KATNAL2: variants seen among roughly 807,000 people sequenced by gnomAD.
The protein encoded by KATNAL2 is katanin p60 ATPase-containing subunit A-like 2.
In KATNAL2, 52 loss-of-function variants were observed where a neutral mutation model predicts 76.3. The observed-to-expected ratio is 0.68, with a 90% CI of 0.55 to 0.86. KATNAL2 has a LOEUF of 0.86. Among genes scored for constraint, KATNAL2 ranks in the 40% least tolerant of loss-of-function variants. The probability of loss-of-function intolerance (pLI) is 0.00; values close to 1 mark genes in which losing one functional copy is unlikely to be tolerated. For missense variants in KATNAL2, 660 were observed against 668.9 expected, an observed-to-expected ratio of 0.99 and a Z score of 0.15; for synonymous variants, 243 against 244.2, an observed-to-expected ratio of 1.00 and a Z score of 0.05.
At chr18:47,033,179 C>T (rs750279246) in intron 3 of KATNAL2, 3 of 1,613,966 alleles carry the variant, frequency 1.9e-6, no homozygotes, top group Admixed American at 1.7e-5. Context: ...CTGCTGCTGT[C>T]TCTGCCACCG....
intron 13 of KATNAL2, among the ~76,000 whole-genome samples, chr18:47,074,714 G>A (rs1008327701): frequency 3.3e-5 from 5 of 152,014 alleles, no homozygotes; most frequent in East Asian, 1.9e-4. Flanking sequence ...ATTGCCTTCC[G>A]TACCTAAGCC....
intron 3 of KATNAL2, among the ~76,000 whole-genome samples, chr18:46,957,544 G>A (rs1430581455): frequency 3.5e-5 from 5 of 141,014 alleles, no homozygotes; most frequent in Non-Finnish European, 7.6e-5. Context: ...GTGAACCACC[G>A]CGCCTGGCCT....
intron 3 of KATNAL2, among the ~76,000 whole-genome samples, chr18:47,031,333 G>A (rs551824300): frequency 2.0e-5 from 3 of 151,430 alleles, no homozygotes; most frequent in Admixed American, 6.6e-5. Flanking sequence ...TTTGAAATAT[G>A]TATGTTTTCG....
chr18:46,945,245 A>C lies in KATNAL2; in HGVS notation c.-509-812A>C, dbSNP rs116898404. 2.0e-3 allele frequency among the ~76,000 whole-genome samples: 311 copies of C among 152,382 alleles called. 1 individual carries two copies. Among genetic ancestry groups the C allele is most frequent in the Non-Finnish European group, 3.4e-3 (232 of 68,036 alleles). On this transcript the variant is annotated intron_variant, in intron 1 of 17. Transcript: ENST00000683218. ...AACTTTTTGAAAACCATATGTCAAC[A>C]AAACAATGTGATAAGTGCAGTATGA...
chr18:46,954,551 G>C (rs914230581), intron 3 of KATNAL2, among the ~76,000 whole-genome samples: 7 of 151,882 alleles, frequency 4.6e-5, no homozygotes, highest in Admixed American at 3.3e-4. Context: ...GGATGGTCTT[G>C]ATTTCTTGAC....
chr18:46,923,927 T>C (rs1437763797), intron 1 of KATNAL2, among the ~76,000 whole-genome samples: 1 of 152,168 alleles, frequency 6.6e-6, no homozygotes, highest in African/African-American at 2.4e-5. Flanking sequence ...GGGTTGTTTG[T>C]TTTTTTCTTG....
rs142851848 is a variant in KATNAL2, at chr18:46,925,527, A to G, written c.-510+7601A>G. Among the ~76,000 whole-genome samples, 703 of 152,270 alleles carry G rather than the reference A, an allele frequency of 4.6e-3. 5 individuals are homozygous for G. The highest frequency in any genetic ancestry group is 7.1e-3 in the Admixed American group (109 of 15,298). ...TTTTGCATCAGTGTTCATCAAGGAT[A>G]TTGGTCTAAAATTCTCTTTTTTTGG... On this transcript the variant is annotated intron_variant, in intron 1 of 17. Transcript: ENST00000683218.
chr18:47,038,689 A>C (rs2146997608), intron 3 of KATNAL2, among the ~76,000 whole-genome samples: 1 of 152,338 alleles, frequency 6.6e-6, no homozygotes, highest in African/African-American at 2.4e-5. Flanking sequence ...GGATGTAAAA[A>C]TGTAAAAAAT....
intron 15 of KATNAL2, among the ~76,000 whole-genome samples, chr18:47,081,338 T>C (rs2062511144): frequency 6.6e-6 from 1 of 152,212 alleles, no homozygotes; most frequent in Admixed American, 6.5e-5. Context: ...TTAGCCACAT[T>C]TTTAAAAAGT....
At position 47,035,004 on chromosome 18, in the gene KATNAL2, T is replaced by C. The variant is rs369869067; in HGVS notation, c.52-11453T>C. The stretch of plus-strand genomic sequence containing the variant: ...GGGAAGCGCTCTCCTCAGGGTCCTG[T>C]GGGCCAGGCCGGGTGTTTCGGTCCA... On this transcript the variant is annotated intron_variant, in intron 3 of 17. Coordinates refer to ENST00000683218, the MANE Select transcript of KATNAL2 (RefSeq NM_001387690.1). 279 of 1,611,258 alleles carry C rather than the reference T, an allele frequency of 1.7e-4. 2 individuals are homozygous for C. In the African/African-American group the frequency reaches 2.7e-3, roughly 15 times the overall value.
chr18:46,923,300 T>C (rs2058630608), intron 1 of KATNAL2, among the ~76,000 whole-genome samples: 1 of 143,646 alleles, frequency 7.0e-6, no homozygotes, highest in Non-Finnish European at 1.5e-5. Context: ...AATTCCCACC[T>C]GTGAGTGAGA....
chr18:47,034,766 G>T (rs987227054), intron 3 of KATNAL2: 3 of 1,612,700 alleles, frequency 1.9e-6, no homozygotes, highest in Non-Finnish European at 2.5e-6. Flanking sequence ...GCCCGATAGC[G>T]GCCGGAATCA....
At position 47,075,763 on chromosome 18, in the gene KATNAL2, G is replaced by A. The variant is rs116372256; in HGVS notation, c.1100+395G>A. ...CTTGCCCACTCAGCCACTGTGCAGG[G>A]CCACGTCTGTACTTCACTCCTGAGA... On this transcript the variant is annotated intron_variant, in intron 14 of 17. Transcript: ENST00000683218. 6.8e-3 allele frequency among the ~76,000 whole-genome samples: 1,040 copies of A among 152,320 alleles called. 7 individuals are homozygous for A. The highest frequency in any genetic ancestry group is 0.023 in the African/African-American group (954 of 41,566).
intron 3 of KATNAL2, chr18:47,034,732 A>C (rs1218989921): frequency 1.2e-6 from 2 of 1,612,670 alleles, no homozygotes; most frequent in Non-Finnish European, 1.7e-6. Flanking sequence ...GGGCATCCGG[A>C]GGGGAGCTGT....
rs1183599676 is a variant in KATNAL2, at chr18:47,035,201, T to C, written c.52-11256T>C. On this transcript the variant is annotated intron_variant, in intron 3 of 17. Coordinates refer to ENST00000683218, the MANE Select transcript of KATNAL2 (RefSeq NM_001387690.1). ...TATTTCTCTAGCTTTTTCGGCTCCG[T>C]CTTAGTGGCCAGACGCACCTGCAGC... 1.2e-6 allele frequency: 2 copies of C among 1,612,518 alleles called. No individual in the cohort carries two copies. Among genetic ancestry groups the C allele is most frequent in the Admixed American group, 1.7e-5 (1 of 59,996 alleles).
intron 13 of KATNAL2, among the ~76,000 whole-genome samples, chr18:47,073,822 G>C (rs1569116743): frequency 6.6e-6 from 1 of 152,162 alleles, no homozygotes; most frequent in Non-Finnish European, 1.5e-5. Flanking sequence ...AATGCTTCCA[G>C]AAACACTTAC....
At chr18:47,033,904 A>T (rs1336817564) in intron 3 of KATNAL2, 1 of 1,613,198 alleles carries the variant, frequency 6.2e-7, no homozygotes, top group South Asian at 1.1e-5. Context: ...ATGGCTGGGC[A>T]CCGTTTTCGG....
intron 1 of KATNAL2, among the ~76,000 whole-genome samples, chr18:46,932,381 A>C (rs1439081158): frequency 2.6e-5 from 4 of 152,126 alleles, no homozygotes; most frequent in Non-Finnish European, 1.5e-5. Flanking sequence ...AAAAGAAATT[A>C]AAAAATGAAA....
rs537827227 is a variant in KATNAL2, at chr18:47,032,935, C to T, written c.52-13522C>T. ...CTGGTGTCCATTGGAAGTTTCGTTC[C>T]CCAACCCGCATTGACTTTGCCAATG... On this transcript the variant is annotated intron_variant, in intron 3 of 17. Transcript: ENST00000683218. 1,507 of 1,611,258 alleles carry T rather than the reference C, an allele frequency of 9.4e-4. 15 individuals are homozygous for T. Among genetic ancestry groups the T allele is most frequent in the East Asian group, 4.3e-3 (193 of 44,860 alleles).
Sources: gnomAD v4.1 joint callset for allele counts (sites outside exome capture counted in the v4.1 genomes callset) on GRCh38, gnomAD v4.1.1 for gene constraint, MANE v1.5 for transcripts, NCBI Gene and HGNC (gene_info 2026-07-23, HGNC 2026-07-21) for gene names.